The following TCF12 variants were observed in gnomAD, a reference collection of about 807,000 sequenced individuals.
The protein encoded by TCF12 is DNA-binding protein HTF4.
TCF12 carries 45 observed loss-of-function variants against 86.0 expected under a neutral mutation model. The ratio of observed to expected loss-of-function variants is 0.52; its 90% CI spans 0.41 to 0.67. TCF12 has a LOEUF of 0.67. Among genes scored for constraint, TCF12 ranks in the 30% least tolerant of loss-of-function variants. The pLI, the probability that TCF12 is intolerant of heterozygous loss-of-function variation, is 0.00. For missense variants in TCF12, 881 were observed against 859.9 expected, an observed-to-expected ratio of 1.02 and a Z score of -0.31; for synonymous variants, 330 against 299.6, an observed-to-expected ratio of 1.10 and a Z score of -1.05.
intron 20 of TCF12, among the ~76,000 whole-genome samples, chr15:57,284,038 A>G (rs1597914273): frequency 2.0e-5 from 3 of 152,332 alleles, no homozygotes; most frequent in East Asian, 3.9e-4. Context: ...CAGATTGTAC[A>G]TGTCAGGGAC....
At chr15:57,124,971 C>G (rs1265369753) in intron 5 of TCF12, among the ~76,000 whole-genome samples, 1 of 152,146 alleles carries the variant, frequency 6.6e-6, no homozygotes, top group Non-Finnish European at 1.5e-5. Context: ...CGCACCCAGC[C>G]AAAAATATTT....
intron 3 of TCF12, among the ~76,000 whole-genome samples, chr15:57,046,506 G>A (rs1212650993): frequency 2.0e-5 from 3 of 152,150 alleles, no homozygotes; most frequent in Middle Eastern, 3.2e-3. Context: ...GCAGTGGTAT[G>A]ATCTCCGCTC....
intron 3 of TCF12, among the ~76,000 whole-genome samples, chr15:57,054,796 T>G (rs931711840): frequency 7.1e-6 from 1 of 140,934 alleles, no homozygotes; most frequent in African/African-American, 2.7e-5. Context: ...TTTTTTTTTT[T>G]TTTTTTGGTA....
chr15:57,124,104 T>C (rs1161570132), intron 5 of TCF12, among the ~76,000 whole-genome samples: 1 of 151,768 alleles, frequency 6.6e-6, no homozygotes, highest in African/African-American at 2.4e-5. Flanking sequence ...TGTGAGCCAC[T>C]GTGTCTGGTT....
chr15:57,199,970 C>T (rs774082942), intron 8 of TCF12, among the ~76,000 whole-genome samples: 10 of 151,806 alleles, frequency 6.6e-5, no homozygotes, highest in Admixed American at 5.2e-4. Flanking sequence ...CAGCCTTAAC[C>T]TCCTTGGCTC....
At chr15:57,131,511 C>A (rs1025389412) in intron 5 of TCF12, among the ~76,000 whole-genome samples, 2 of 152,192 alleles carry the variant, frequency 1.3e-5, no homozygotes, top group East Asian at 3.8e-4. Flanking sequence ...TTTTTACTTA[C>A]TAATGCTTCT....
chr15:56,923,294 G>A (rs1384307300), intron 3 of TCF12, among the ~76,000 whole-genome samples: 2 of 152,058 alleles, frequency 1.3e-5, no homozygotes, highest in Non-Finnish European at 2.9e-5. Flanking sequence ...AGCATGTGAT[G>A]TTATCTTTAA....
chr15:56,991,349 C>G (rs1418799279), intron 3 of TCF12, among the ~76,000 whole-genome samples: 1 of 152,074 alleles, frequency 6.6e-6, no homozygotes, highest in Non-Finnish European at 1.5e-5. Context: ...CCACATTGGA[C>G]AAGATAAAAT....
intron 4 of TCF12, among the ~76,000 whole-genome samples, chr15:57,077,790 A>G (rs1369373778): frequency 6.6e-6 from 1 of 150,792 alleles, no homozygotes; most frequent in Admixed American, 6.6e-5. Flanking sequence ...AGAATTTGTT[A>G]TGCTAATCCT....
chr15:57,253,239 T>C lies in TCF12; in HGVS notation c.1261-23T>C, dbSNP rs753630684. ...TAACAGATGCCAGCAATAACCACCA[T>C]GTTTTTTTTTTAATCCATACAGCAG... is the stretch of plus-strand genomic sequence containing the variant. On this transcript the variant is annotated intron_variant, in intron 15 of 20. Coordinates refer to ENST00000333725, the MANE Select transcript of TCF12 (RefSeq NM_207037.2). The C allele has an allele frequency of 4.4e-6, 7 of 1,602,872 alleles. No individual in the cohort carries two copies. In the East Asian group the frequency reaches 1.1e-4, roughly 26 times the overall value.
Position 57,287,202 on chromosome 15 carries a change from A to AT in TCF12, c.*1063dup, listed in dbSNP as rs2152164312. The AT allele has an allele frequency of 6.5e-6, 1 of 153,840 alleles. No homozygotes were observed. The highest frequency in any genetic ancestry group is 2.4e-5 in the African/African-American group (1 of 41,558). 9.5% of individuals were successfully genotyped at this position (153,840 alleles called of 1,614,324 possible). On this transcript the variant is annotated 3_prime_UTR_variant, in exon 21 of 21. Transcript: ENST00000333725. ...AAAATACATTTAAAATACAAAGACGATTTTTTCAGGCTGTGATTATGGTGA... is the reference window on the plus strand; with the variant it reads ...AAAATACATTTAAAATACAAAGACGATTTTTTTCAGGCTGTGATTATGGTGA...
At chr15:57,067,364 C>A (rs900351688) in intron 4 of TCF12, among the ~76,000 whole-genome samples, 1 of 151,480 alleles carries the variant, frequency 6.6e-6, no homozygotes, top group Admixed American at 6.6e-5. Flanking sequence ...AACGGTGAAA[C>A]CCCGTCTCTA....
chr15:56,947,649 T>C (rs1397484560), intron 3 of TCF12, among the ~76,000 whole-genome samples: 2 of 152,230 alleles, frequency 1.3e-5, no homozygotes, highest in African/African-American at 4.8e-5. Context: ...ATTTTTTAAT[T>C]GTTTGCAGTA....
intron 3 of TCF12, among the ~76,000 whole-genome samples, chr15:57,024,164 CAAG>C (rs1454524424): frequency 6.8e-6 from 1 of 147,758 alleles, no homozygotes; most frequent in African/African-American, 2.5e-5. Context: ...ATGGCTCAGG[CAAG>C]AAAGGCAAAG....
intron 6 of TCF12, among the ~76,000 whole-genome samples, chr15:57,174,223 C>A (rs558120777): frequency 1.3e-5 from 2 of 152,098 alleles, no homozygotes; most frequent in Non-Finnish European, 2.9e-5. Context: ...TCAAACAACA[C>A]GTGTGGTTTG....
In TCF12 at chr15:57,232,738, A is replaced by G; in HGVS notation, c.852A>G (p.Pro284=). 1.9e-6 allele frequency: 3 copies of G among 1,612,104 alleles called. No homozygotes were observed. Among genetic ancestry groups the G allele is most frequent in the Non-Finnish European group, 2.5e-6 (3 of 1,179,126 alleles). ...RLSYPPHSVS[P]TDINTSLPPM... ...GTTATCCTCCACACTCAGTTTCACC[A>G]ACAGACATAAACACGAGTCTTCCAC... The change falls in exon 11 of 21, where the codon CCA becomes CCG. Residue 284 remains proline, a synonymous_variant. Coordinates refer to ENST00000333725, the MANE Select transcript of TCF12 (RefSeq NM_207037.2).
intron 3 of TCF12, among the ~76,000 whole-genome samples, chr15:57,061,630 A>T (rs1445565962): frequency 2.0e-5 from 3 of 152,164 alleles, no homozygotes; most frequent in African/African-American, 7.2e-5. Flanking sequence ...TAAAATACAC[A>T]TAAGCCTCAT....
At chr15:56,994,550 GAAA>G (rs370076470) in intron 3 of TCF12, among the ~76,000 whole-genome samples, 2,076 of 152,020 alleles carry the variant, frequency 0.014, 56 homozygotes, top group African/African-American at 0.044. Flanking sequence ...CTAAAAACAA[GAAA>G]AAAACTATTG....
rs552315300 is a variant in TCF12 at position 57,045,208 on chromosome 15, G to A, written c.149-18542G>A. ...ACATGCTGTCCCATTTAAGTAGGCA[G>A]AACCTATGTTTCCTTTTCACAAAAG... On this transcript the variant is annotated intron_variant, in intron 3 of 20. Transcript: ENST00000333725. 5.3e-5 allele frequency among the ~76,000 whole-genome samples: 8 copies of A among 152,316 alleles called. No individual in the cohort carries two copies. In the South Asian group the frequency reaches 1.7e-3, roughly 32 times the overall value.
Sources: gnomAD v4.1 joint callset for allele counts (sites outside exome capture counted in the v4.1 genomes callset) on GRCh38, gnomAD v4.1.1 for gene constraint, MANE v1.5 for transcripts, NCBI Gene and HGNC (gene_info 2026-07-23, HGNC 2026-07-21) for gene names.